NDUFS4: variants seen among roughly 807,000 people sequenced by gnomAD.
NDUFS4 encodes the protein NADH:ubiquinone oxidoreductase subunit S4, also known as NADH dehydrogenase [ubiquinone] iron-sulfur protein 4, mitochondrial.
Under a neutral mutation model 24.3 loss-of-function variants are expected in NDUFS4, and 28 were observed. The observed-to-expected ratio is 1.15, with a 90% CI of 0.85 to 1.58. The LOEUF is 1.58. Among genes scored for constraint, NDUFS4 ranks in the 40% most tolerant of loss-of-function variants. The probability of loss-of-function intolerance (pLI) is 0.00; values close to 1 mark genes in which losing one functional copy is unlikely to be tolerated. For missense variants in NDUFS4, 223 were observed against 207.9 expected, an observed-to-expected ratio of 1.07 and a Z score of -0.45; for synonymous variants, 93 against 69.7, an observed-to-expected ratio of 1.34 and a Z score of -1.67.
At position 53,590,359 on chromosome 5, in the gene NDUFS4, A is replaced by G. The variant is rs900330080; in HGVS notation, c.99-13093A>G. On this transcript the variant is annotated intron_variant, in intron 1 of 4. Coordinates refer to ENST00000296684, the MANE Select transcript of NDUFS4 (RefSeq NM_002495.4). ...TAATAAAGATTCACAGTTATCAACT[A>G]TTTTTATGTAGAACATGTTGGATAA... Among the ~76,000 whole-genome samples, 3 of 152,228 alleles carry G rather than the reference A, an allele frequency of 2.0e-5. No homozygotes were observed. In the East Asian group the frequency reaches 5.8e-4, roughly 29 times the overall value.
At chr5:53,656,736 A>G (rs1322033723) in intron 3 of NDUFS4, among the ~76,000 whole-genome samples, 6 of 152,204 alleles carry the variant, frequency 3.9e-5, no homozygotes, top group African/African-American at 1.4e-4. Flanking sequence ...AACTGTTTGA[A>G]ATTTTTGAAC....
At chr5:53,650,941 G>A (rs1385366510) in intron 3 of NDUFS4, among the ~76,000 whole-genome samples, 1 of 152,146 alleles carries the variant, frequency 6.6e-6, no homozygotes, top group African/African-American at 2.4e-5. Context: ...GTAACCTATT[G>A]TGCATAAATA....
At chr5:53,615,663 G>A (rs955238670) in intron 2 of NDUFS4, among the ~76,000 whole-genome samples, 2 of 152,012 alleles carry the variant, frequency 1.3e-5, no homozygotes, top group Non-Finnish European at 2.9e-5. Flanking sequence ...TGTGTGAATA[G>A]GCTTTTTGTT....
intron 2 of NDUFS4, among the ~76,000 whole-genome samples, chr5:53,619,203 G>A (rs1223747885): frequency 2.7e-5 from 4 of 150,828 alleles, no homozygotes; most frequent in African/African-American, 9.8e-5. Context: ...GGGCACGGTG[G>A]CTCACACCTG....
At chr5:53,600,971 T>A (rs1204095580) in intron 1 of NDUFS4, among the ~76,000 whole-genome samples, 1 of 151,896 alleles carries the variant, frequency 6.6e-6, no homozygotes, top group Non-Finnish European at 1.5e-5. Context: ...CAGCTTGATA[T>A]AAATTTTTAT....
chr5:53,619,114 A>AAATAATAATAAT (rs574681564), intron 2 of NDUFS4, among the ~76,000 whole-genome samples: 1 of 148,932 alleles, frequency 6.7e-6, no homozygotes, highest in African/African-American at 2.5e-5. Flanking sequence ...ACTGTCTCCA[A>AAATAATAATAAT]AATAATAATA....
chr5:53,675,008 T>A (rs1443209795), intron 4 of NDUFS4, among the ~76,000 whole-genome samples: 1 of 152,040 alleles, frequency 6.6e-6, no homozygotes, highest in African/African-American at 2.4e-5. Context: ...AGAGTACTTT[T>A]TAAGTACTCT....
At chr5:53,595,926 T>C (rs369284895) in intron 1 of NDUFS4, among the ~76,000 whole-genome samples, 1 of 152,306 alleles carries the variant, frequency 6.6e-6, no homozygotes, top group East Asian at 1.9e-4. Context: ...TTTTTACTGA[T>C]TTGACCAGCT....
At chr5:53,656,574 G>A (rs531609095) in intron 3 of NDUFS4, among the ~76,000 whole-genome samples, 1 of 152,284 alleles carries the variant, frequency 6.6e-6, no homozygotes, top group South Asian at 2.1e-4. Context: ...AGTACACCTT[G>A]CATTTATAAA....
intron 2 of NDUFS4, among the ~76,000 whole-genome samples, chr5:53,637,358 GT>G (rs1447181961): frequency 6.6e-6 from 1 of 152,134 alleles, no homozygotes; most frequent in African/African-American, 2.4e-5. Context: ...GTCAAACTTA[GT>G]TTCTTAAAGT....
chr5:53,675,377 T>C (rs1468455328), intron 4 of NDUFS4, among the ~76,000 whole-genome samples: 1 of 151,930 alleles, frequency 6.6e-6, no homozygotes, highest in Non-Finnish European at 1.5e-5. Flanking sequence ...TTAGCCAGGA[T>C]GTTCTCGATT....
chr5:53,618,587 C>T (rs1444632849), intron 2 of NDUFS4, among the ~76,000 whole-genome samples: 1 of 152,072 alleles, frequency 6.6e-6, no homozygotes, highest in African/African-American at 2.4e-5. Flanking sequence ...TTCTAACAGC[C>T]TGTGGCACTA....
chr5:53,633,046 C>T (rs1751449513), intron 2 of NDUFS4, among the ~76,000 whole-genome samples: 1 of 152,176 alleles, frequency 6.6e-6, no homozygotes, highest in African/African-American at 2.4e-5. Context: ...AGCTTTCAGT[C>T]ATTGAGTCGT....
At chr5:53,597,683 A>G (rs1750171007) in intron 1 of NDUFS4, among the ~76,000 whole-genome samples, 1 of 152,200 alleles carries the variant, frequency 6.6e-6, no homozygotes, top group African/African-American at 2.4e-5. Context: ...GAAGGATATC[A>G]AAGAAGATCC....
intron 4 of NDUFS4, among the ~76,000 whole-genome samples, chr5:53,663,332 A>G (rs1274739141): frequency 6.6e-6 from 1 of 152,166 alleles, no homozygotes. Flanking sequence ...AGAGTTCTAT[A>G]GATGTCTATT....
chr5:53,603,655 C>A, intron 2 of NDUFS4, 125 bp downstream of exon 2: 2 of 712,326 alleles, frequency 2.8e-6, no homozygotes, highest in South Asian at 1.7e-5. Flanking sequence ...TAGATTATAC[C>A]TAAATTTTAA....
intron 4 of NDUFS4, among the ~76,000 whole-genome samples, chr5:53,672,280 A>ATAGG (rs796578512): frequency 3.9e-4 from 60 of 152,302 alleles, no homozygotes; most frequent in African/African-American, 1.4e-3. Flanking sequence ...TGACTTTCAT[A>ATAGG]TAGGTATAAA....
intron 1 of NDUFS4, among the ~76,000 whole-genome samples, chr5:53,572,958 T>C (rs1249740555): frequency 1.2e-5 from 1 of 84,188 alleles, no homozygotes; most frequent in Non-Finnish European, 2.3e-5. Context: ...TTGTTTTTTG[T>C]TTTTTTTTTT....
chr5:53,664,088 A>T (rs1017303687), intron 4 of NDUFS4, among the ~76,000 whole-genome samples: 1 of 152,126 alleles, frequency 6.6e-6, no homozygotes, highest in Non-Finnish European at 1.5e-5. Flanking sequence ...TCCTTCACTT[A>T]TGAAGCTTAG....
Sources: gnomAD v4.1 joint callset for allele counts (sites outside exome capture counted in the v4.1 genomes callset) on GRCh38, gnomAD v4.1.1 for gene constraint, MANE v1.5 for transcripts, NCBI Gene and HGNC (gene_info 2026-07-23, HGNC 2026-07-21) for gene names.